PCDHGB2: variants seen among roughly 807,000 people sequenced by gnomAD.
The protein encoded by PCDHGB2 is protocadherin gamma subfamily B, 2, also known as protocadherin gamma-B2.
A neutral mutation model predicts 59.3 loss-of-function variants in PCDHGB2; 55 were observed. The ratio of observed to expected loss-of-function variants is 0.93; its 90% CI spans 0.75 to 1.16. The LOEUF is 1.16. Among genes scored for constraint, PCDHGB2 ranks in the 50% most tolerant of loss-of-function variants. The pLI is 0.00. For missense variants in PCDHGB2, 1,228 were observed against 1,198.5 expected (o/e 1.02, Z -0.36); for synonymous variants, 516 against 512.0 (o/e 1.01, Z -0.11).
At position 141,512,348 on chromosome 5, in the gene PCDHGB2, G is replaced by C. The variant is rs1172891268; in HGVS notation, c.*1175G>C. 4 of 152,886 alleles carry C rather than the reference G, an allele frequency of 2.6e-5. No homozygotes were observed. The highest frequency in any genetic ancestry group is 9.6e-5 in the African/African-American group (4 of 41,462). The allele number at this position is 152,886 out of a possible 1,614,324, so 9.5% of individuals were successfully genotyped here. A position where few individuals can be genotyped will look rare whatever the true frequency, so the allele number is the denominator to read the frequency against. ...GGCCATTCTTAGTCCCTGGGTTGGG[G>C]AGGCAGGGAGCTAGGGCAGGGACCA... On this transcript the variant is annotated 3_prime_UTR_variant, in exon 4 of 4. Transcript: ENST00000522605.
At chr5:141,497,540 C>T (rs866982821) in intron 2 of PCDHGB2, among the ~76,000 whole-genome samples, 5 of 134,944 alleles carry the variant, frequency 3.7e-5, no homozygotes, top group African/African-American at 1.1e-4. Context: ...TGCAACAAAC[C>T]TTTTTTTTTT....
In PCDHGB2 at chr5:141,489,365, G is replaced by A. The variant is rs774363104; in HGVS notation, c.2422-5442G>A. ...TCAGTGGTGGAGGAGTCTGAGCCGG[G>A]GACGCTGGTGGGGAATGTTGCTCAG... On this transcript the variant is annotated intron_variant, in intron 1 of 3. Transcript: ENST00000522605. The surrounding 1 kb of genome is among the most constrained non-coding windows in gnomAD (Gnocchi z 4.5). The A allele has an allele frequency of 6.2e-7, 1 of 1,613,512 alleles. No individual in the cohort carries two copies.
intron 1 of PCDHGB2, chr5:141,388,956 G>A (rs1010974359): frequency 1.9e-6 from 3 of 1,613,964 alleles, no homozygotes; most frequent in South Asian, 1.1e-5. Flanking sequence ...TATGGAGGAC[G>A]CCGAGCTGGG....
In PCDHGB2 at chr5:141,448,136, A is replaced by G. The variant is rs2098567363; in HGVS notation, c.2422-46671A>G. Among the ~76,000 whole-genome samples, 5 of 152,036 alleles carry G rather than the reference A, an allele frequency of 3.3e-5. No individual in the cohort carries two copies. The South Asian group carries it at 1.0e-3, about 32-fold the overall frequency. On this transcript the variant is annotated intron_variant, in intron 1 of 3. Transcript: ENST00000522605. ...AAAATTAGCCTCCCCCACCCTCACT[A>G]TACCTCAGACTCACCCCTGAAAGAT...
intron 1 of PCDHGB2, chr5:141,388,958 C>T (rs767426744): frequency 7.4e-6 from 12 of 1,613,930 alleles, no homozygotes; most frequent in East Asian, 2.2e-5. Context: ...TGGAGGACGC[C>T]GAGCTGGGAA....
chr5:141,457,680 G>A lies in PCDHGB2; in HGVS notation c.2422-37127G>A, dbSNP rs866876250. 2.6e-5 allele frequency among the ~76,000 whole-genome samples: 4 copies of A among 152,290 alleles called. No individual in the cohort carries two copies. The South Asian group carries it at 8.3e-4, about 32-fold the overall frequency. On this transcript the variant is annotated intron_variant, in intron 1 of 3. Coordinates refer to ENST00000522605, the MANE Select transcript of PCDHGB2 (RefSeq NM_018923.3). The stretch of plus-strand genomic sequence containing the variant: ...AGCAAGAATGGTTATTTCTACATAG[G>A]ACTTTTGGATTGGCTTTGATGAAAC...
intron 1 of PCDHGB2, chr5:141,389,294 A>T (rs776760884): frequency 1.2e-6 from 2 of 1,613,964 alleles, no homozygotes; most frequent in Non-Finnish European, 1.7e-6. Flanking sequence ...CCTCTATTTC[A>T]CAAGTCAGGG....
Position 141,491,739 on chromosome 5 carries a change from C to T in PCDHGB2, c.2422-3068C>T. ...CGCCGCCCCGGGCGACCCCTGGGGG[C>T]GGCACTGGAGAAGCCGCCCGTCCTC... On this transcript the variant is annotated intron_variant, in intron 1 of 3. Transcript: ENST00000522605. This position sits in a 1 kb window ranked among gnomAD's most constrained non-coding sequence, Gnocchi z 6.9. The T allele has an allele frequency of 1.3e-6, 2 of 1,599,004 alleles. No individual in the cohort carries two copies. Among genetic ancestry groups the T allele is most frequent in the East Asian group, 2.3e-5 (1 of 44,194 alleles).
In PCDHGB2 at chr5:141,379,822, T is replaced by C. The variant is rs186939729; in HGVS notation, c.2421+17266T>C. ...GGTTTTGAGAGTTCAGTATAGAATT[T>C]TGAAGCATCAGGAAAAAAAACTACC... On this transcript the variant is annotated intron_variant, in intron 1 of 3. Transcript: ENST00000522605. Among the ~76,000 whole-genome samples, 5 of 150,884 alleles carry C rather than the reference T, an allele frequency of 3.3e-5. No individual in the cohort carries two copies. In the East Asian group the frequency reaches 9.7e-4, roughly 29 times the overall value.
chr5:141,370,966 A>T (rs1417305082), intron 1 of PCDHGB2: 1 of 1,614,000 alleles, frequency 6.2e-7, no homozygotes, highest in Middle Eastern at 1.6e-4. Flanking sequence ...GGCAGTAGGT[A>T]CCCAGAGCTA....
chr5:141,478,327 A>G lies in PCDHGB2; in HGVS notation c.2422-16480A>G, dbSNP rs149317962. The G allele has an allele frequency of 9.9e-6, 16 of 1,613,974 alleles. No homozygotes were observed. The African/African-American group carries it at 2.0e-4, about 20-fold the overall frequency. The stretch of plus-strand genomic sequence containing the variant: ...CCCCGGTGAGCTCACTGTACCGAAC[A>G]CCAGGGCCCTCCTTGCACGCGGACG... On this transcript the variant is annotated intron_variant, in intron 1 of 3. Transcript: ENST00000522605.
chr5:141,409,087 T>C (rs753624565), intron 1 of PCDHGB2: 1 of 1,613,990 alleles, frequency 6.2e-7, no homozygotes, highest in Admixed American at 1.7e-5. Flanking sequence ...TCTCATTGGA[T>C]GAGAAAACAG....
chr5:141,485,865 C>A lies in PCDHGB2; in HGVS notation c.2422-8942C>A. ...TCTGGCACCGCAGAGCTCCGGGTAT[C>A]CGTGCTGGACGTAAACGACAACGCC... On this transcript the variant is annotated intron_variant, in intron 1 of 3. Transcript: ENST00000522605. The surrounding 1 kb of genome is among the most constrained non-coding windows in gnomAD (Gnocchi z 5.7). 1 of 1,614,182 alleles carries A rather than the reference C, an allele frequency of 6.2e-7. No homozygotes were observed. The highest frequency in any genetic ancestry group is 8.5e-7 in the Non-Finnish European group (1 of 1,180,034).
chr5:141,377,207 A>C (rs1170353646), intron 1 of PCDHGB2: 1 of 152,122 alleles, frequency 6.6e-6, no homozygotes, highest in Non-Finnish European at 1.5e-5. Context: ...GATTGAGTAC[A>C]TCTCGTTTCT....
chr5:141,396,698 A>G (rs1003976752), intron 1 of PCDHGB2: 8 of 152,182 alleles, frequency 5.3e-5, no homozygotes, highest in African/African-American at 1.9e-4. Context: ...ACCTTCTTGT[A>G]GCATTTGAAT....
At chr5:141,500,876 A>G (rs909126749) in intron 2 of PCDHGB2, among the ~76,000 whole-genome samples, 1 of 124,952 alleles carries the variant, frequency 8.0e-6, no homozygotes, top group African/African-American at 3.5e-5. Flanking sequence ...ATTCATTTAC[A>G]ATTTTTTTTT....
At chr5:141,419,556 C>A (rs202164819) in intron 1 of PCDHGB2, 227 of 1,611,892 alleles carry the variant, frequency 1.4e-4, no homozygotes, top group Non-Finnish European at 8.6e-5. Context: ...CTGTACCCTG[C>A]GCTGGGTCCC....
chr5:141,421,050 T>TACCACACAA, intron 1 of PCDHGB2: 1 of 561,278 alleles, frequency 1.8e-6, no homozygotes, highest in Non-Finnish European at 3.1e-6. Flanking sequence ...CCCCCGCCTC[T>TACCACACAA]ACCACACAAA....
At chr5:141,413,637 G>T in intron 1 of PCDHGB2, 8 of 1,613,888 alleles carry the variant, frequency 5.0e-6, no homozygotes, top group Non-Finnish European at 6.8e-6. Context: ...CTGCGGGAAT[G>T]CGTTTTCCTC....
Sources: gnomAD v4.1 joint callset for allele counts (sites outside exome capture counted in the v4.1 genomes callset) on GRCh38, gnomAD v4.1.1 for gene constraint, Gnocchi (gnomAD v3.1) non-coding constraint, MANE v1.5 for transcripts, NCBI Gene and HGNC (gene_info 2026-07-23, HGNC 2026-07-21) for gene names.